Variants in LRP1B observed in about 807,000 individuals in gnomAD.
LRP1B encodes the protein low-density lipoprotein receptor-related protein 1B.
LRP1B carries 217 observed loss-of-function variants against 556.6 expected under a neutral mutation model. That is an observed-to-expected ratio of 0.39 (90% CI 0.35 to 0.44). LRP1B has a LOEUF of 0.44. Ranked by LOEUF, LRP1B falls within the 20% of genes least tolerant of loss-of-function variation. The pLI is 1.00. For missense variants in LRP1B, 5,053 were observed against 5,620.8 expected (o/e 0.90, Z 3.23); for synonymous variants, 2,047 against 1,865.8 (o/e 1.10, Z -2.50).
At chr2:141,735,048 A>G (rs1364584403) in intron 2 of LRP1B, among the ~76,000 whole-genome samples, 1 of 152,144 alleles carries the variant, frequency 6.6e-6, no homozygotes, top group African/African-American at 2.4e-5. Context: ...ATCCTACTCC[A>G]GCTATATACC....
intron 3 of LRP1B, among the ~76,000 whole-genome samples, chr2:141,477,042 G>C (rs1682733227): frequency 6.6e-6 from 1 of 152,022 alleles, no homozygotes; most frequent in Non-Finnish European, 1.5e-5. Flanking sequence ...AGAATCGCTT[G>C]AACCTGGGAG....
chr2:141,708,929 GC>G (rs996466384), intron 2 of LRP1B, among the ~76,000 whole-genome samples: 2 of 152,118 alleles, frequency 1.3e-5, no homozygotes, highest in Admixed American at 1.3e-4. Context: ...TGGACTTCCA[GC>G]CCCTAGACTT....
chr2:141,514,756 C>T (rs1052483282), intron 2 of LRP1B, among the ~76,000 whole-genome samples: 1 of 152,166 alleles, frequency 6.6e-6, no homozygotes, highest in Non-Finnish European at 1.5e-5. Context: ...CGTTAGCCTA[C>T]AGTTGGGCAA....
intron 3 of LRP1B, among the ~76,000 whole-genome samples, chr2:141,478,490 ATCCTTCTT>A (rs911012181): frequency 6.6e-6 from 1 of 151,468 alleles, no homozygotes; most frequent in Admixed American, 6.6e-5. Flanking sequence ...TCATTTAAAA[ATCCTTCTT>A]TCCTTCTTTC....
chr2:141,738,712 G>T (rs1033689092), intron 2 of LRP1B, among the ~76,000 whole-genome samples: 1 of 152,106 alleles, frequency 6.6e-6, no homozygotes, highest in African/African-American at 2.4e-5. Flanking sequence ...ATCGTTTTGT[G>T]TTTTGTCGCT....
At chr2:141,983,859 G>C (rs528603378) in intron 1 of LRP1B, among the ~76,000 whole-genome samples, 1 of 152,230 alleles carries the variant, frequency 6.6e-6, no homozygotes, top group East Asian at 1.9e-4. Context: ...TCAGGAGTTC[G>C]ACACCGGCCT....
intron 18 of LRP1B, among the ~76,000 whole-genome samples, chr2:140,960,546 A>G (rs965258847): frequency 1.3e-5 from 2 of 151,838 alleles, no homozygotes; most frequent in African/African-American, 2.4e-5. Flanking sequence ...AAAATCACTA[A>G]ATAGAAAGAA....
At chr2:140,833,885 T>A (rs180687119) in intron 31 of LRP1B, among the ~76,000 whole-genome samples, 106 of 152,268 alleles carry the variant, frequency 7.0e-4, no homozygotes, top group African/African-American at 2.5e-3. Context: ...TAAATGAGAA[T>A]CAAAACCATA....
chr2:142,034,525 C>T (rs1703810065), intron 1 of LRP1B, among the ~76,000 whole-genome samples: 1 of 151,620 alleles, frequency 6.6e-6, no homozygotes, highest in African/African-American at 2.4e-5. Context: ...TGGGACCCAC[C>T]CCATTCAATT....
chr2:140,373,820 C>A (rs1683101661), intron 68 of LRP1B, among the ~76,000 whole-genome samples: 1 of 152,120 alleles, frequency 6.6e-6, no homozygotes, highest in Non-Finnish European at 1.5e-5. Flanking sequence ...TAAGCAACTA[C>A]ATCCAGTTTA....
intron 6 of LRP1B, among the ~76,000 whole-genome samples, chr2:141,192,309 A>T (rs762203935): frequency 6.6e-6 from 1 of 151,940 alleles, no homozygotes; most frequent in Non-Finnish European, 1.5e-5. Flanking sequence ...TTTTTCAACC[A>T]GCCTGGAAAC....
At chr2:141,906,456 C>T (rs1699763927) in intron 1 of LRP1B, among the ~76,000 whole-genome samples, 1 of 151,894 alleles carries the variant, frequency 6.6e-6, no homozygotes, top group African/African-American at 2.4e-5. Flanking sequence ...GTTTTGATAA[C>T]CTGGTGTCAG....
chr2:141,372,526 TTAA>T (rs1689266003), intron 3 of LRP1B, among the ~76,000 whole-genome samples: 1 of 151,882 alleles, frequency 6.6e-6, no homozygotes, highest in East Asian at 1.9e-4. Context: ...TTTTTAGGGG[TTAA>T]GGGGAGGATT....
At chr2:140,835,314 G>A (rs916899624) in intron 31 of LRP1B, among the ~76,000 whole-genome samples, 1 of 152,142 alleles carries the variant, frequency 6.6e-6, no homozygotes, top group African/African-American at 2.4e-5. Context: ...GAAACTAAAC[G>A]TCTGACATTA....
At chr2:140,234,043 A>T (rs1015506365) in intron 90 of LRP1B, among the ~76,000 whole-genome samples, 2 of 151,258 alleles carry the variant, frequency 1.3e-5, no homozygotes, top group African/African-American at 4.8e-5. Context: ...TCCCAAGAAA[A>T]TTTTGCCTAG....
intron 2 of LRP1B, among the ~76,000 whole-genome samples, chr2:141,513,364 AAATG>A (rs1684198271): frequency 6.6e-6 from 1 of 152,098 alleles, no homozygotes; most frequent in Non-Finnish European, 1.5e-5. Context: ...ATTTTTTTCT[AAATG>A]AATGACTGTG....
intron 2 of LRP1B, among the ~76,000 whole-genome samples, chr2:141,482,210 A>G (rs1012075543): frequency 2.0e-5 from 3 of 152,172 alleles, no homozygotes; most frequent in Non-Finnish European, 2.9e-5. Context: ...TAATTTTGAA[A>G]TACTTTATCA....
At position 141,689,652 on chromosome 2, in the gene LRP1B, TC is replaced by T. The variant is rs1691442437; in HGVS notation, c.205+120626del. ...AATCTGAGATAATAGATCATTTTCT[TC>T]TCTTTTATCAATGACTAATTAGTGA... On this transcript the variant is annotated intron_variant, in intron 2 of 90. Transcript: ENST00000389484. 2.0e-5 allele frequency among the ~76,000 whole-genome samples: 3 copies of T among 151,902 alleles called. No homozygotes were observed. In the South Asian group the frequency reaches 6.2e-4, roughly 31 times the overall value.
rs72853639 is a variant in LRP1B, at chr2:141,992,377, T to G, written c.82+138271A>C. ...AAAGCAATTATATAAGCATCAATTC[T>G]GTGCATTAATGCCCCACATTGCCCC... On this transcript the variant is annotated intron_variant, in intron 1 of 90. Coordinates refer to ENST00000389484, the MANE Select transcript of LRP1B (RefSeq NM_018557.3). Among the ~76,000 whole-genome samples the G allele has an allele frequency of 3.9e-3, 588 of 152,258 alleles. 5 individuals are homozygous for G. Among genetic ancestry groups the G allele is most frequent in the Non-Finnish European group, 6.9e-3 (466 of 67,998 alleles).
Sources: allele counts gnomAD v4.1 joint callset (sites outside exome capture counted in the v4.1 genomes callset), GRCh38; gene constraint gnomAD v4.1.1; transcripts MANE v1.5; gene names NCBI Gene and HGNC (gene_info 2026-07-23, HGNC 2026-07-21).